NOTCH1: variants seen among roughly 807,000 people sequenced by gnomAD.
NOTCH1 encodes the protein notch receptor 1, also known as neurogenic locus notch homolog protein 1.
Under a neutral mutation model 254.8 loss-of-function variants are expected in NOTCH1, and 37 were observed. The ratio of observed to expected loss-of-function variants is 0.15; its 90% CI spans 0.11 to 0.19. NOTCH1 has a LOEUF of 0.19. Ranked by LOEUF, NOTCH1 falls within the 10% of genes least tolerant of loss-of-function variation. The pLI is 1.00. For missense variants in NOTCH1, 2,972 were observed against 3,708.6 expected (o/e 0.80, Z 5.16); for synonymous variants, 1,731 against 1,618.1 (o/e 1.07, Z -1.68).
rs2133350556 is a variant in NOTCH1, at chr9:136,509,789, G to A, written c.2913C>T (p.Cys971=). The A allele has an allele frequency of 6.2e-7, 1 of 1,613,136 alleles. No individual in the cohort carries two copies. The highest frequency in any genetic ancestry group is 8.5e-7 in the Non-Finnish European group (1 of 1,180,016). The stretch of plus-strand genomic sequence containing the variant: ...AGTGGATCCCGCTGAAGCCTGCGGG[G>A]CAGGTGCACGTGTAGCTGTCCACGC... ...TDCVDSYTCT[C]PAGFSGIHCE... The change falls in exon 18 of 34, where the codon TGC becomes TGT. Residue 971 remains cysteine (C), a synonymous_variant. Transcript: ENST00000651671.
chr9:136,498,221 G>A (rs979657127), intron 33 of NOTCH1, among the ~76,000 whole-genome samples: 18 of 151,596 alleles, frequency 1.2e-4, no homozygotes, highest in Admixed American at 7.2e-4. Context: ...ACATGCCAAG[G>A]GGGCAGCAGG....
intron 2 of NOTCH1, among the ~76,000 whole-genome samples, chr9:136,524,332 G>A (rs1843425243): frequency 6.6e-6 from 1 of 152,194 alleles, no homozygotes; most frequent in South Asian, 2.1e-4. Context: ...ACAAATGACT[G>A]CTAACTTGGG....
Position 136,545,387 on chromosome 9 carries a change from G to A in NOTCH1, c.61+339C>T, listed in dbSNP as rs1353285852. The stretch of plus-strand genomic sequence containing the variant: ...CTCTATTCAAATCGAAAAATAGTAG[G>A]CAGCCCGCCCGCCCGGCCGACCGGC... On this transcript the variant is annotated intron_variant, in intron 1 of 33. Coordinates refer to ENST00000651671, the MANE Select transcript of NOTCH1 (RefSeq NM_017617.5). This position sits in a 1 kb window ranked among gnomAD's most constrained non-coding sequence, Gnocchi z 6.8. Among the ~76,000 whole-genome samples, 1 of 151,964 alleles carries A rather than the reference G, an allele frequency of 6.6e-6. No homozygotes were observed. The highest frequency in any genetic ancestry group is 2.4e-5 in the African/African-American group (1 of 41,372).
chr9:136,521,029 T>G (rs916634936), intron 4 of NOTCH1, among the ~76,000 whole-genome samples: 2 of 152,146 alleles, frequency 1.3e-5, no homozygotes, highest in African/African-American at 4.8e-5. Context: ...TTCCCGGGCC[T>G]GCAGAGCTCA....
In NOTCH1 at chr9:136,544,015, G is replaced by C. The variant is rs1843773316; in HGVS notation, c.140+9C>G. 6.4e-7 allele frequency: 1 copy of C among 1,567,630 alleles called. No homozygotes were observed. The highest frequency in any genetic ancestry group is 8.6e-7 in the Non-Finnish European group (1 of 1,156,912). ...ACAAAGCAACAGGTCCCGCAGGGGT[G>C]GTACTCACACGCAGGCCTCCGTGCC... On this transcript the variant is annotated intron_variant, in intron 2 of 33. Transcript: ENST00000651671.
Position 136,518,261 on chromosome 9 carries a change from G to A in NOTCH1, c.1131C>T (p.Ile377=). 2 of 1,611,310 alleles carry A rather than the reference G, an allele frequency of 1.2e-6. No individual in the cohort carries two copies. Among genetic ancestry groups the A allele is most frequent in the South Asian group, 2.2e-5 (2 of 90,634 alleles). Residue 377 remains isoleucine (I), a synonymous_variant, in exon 7 of 34, where the codon ATC becomes ATT. Transcript: ENST00000651671. ...GLLCHLNDAC[I]SNPCNEGSNC... is the part of the protein sequence containing the mutation. ...TGGAGCCCTCGTTACAGGGGTTGCT[G>A]ATGCATGCGTCGTTGAGGTGGCACA...
chr9:136,523,584 C>G (rs1005726646), intron 3 of NOTCH1, 133 bp downstream of exon 3: 1 of 1,200,084 alleles, frequency 8.3e-7, no homozygotes, highest in African/African-American at 1.5e-5. Flanking sequence ...GGGCAGGGAC[C>G]CTGGGGCAGG....
At chr9:136,526,979 C>A (rs984026256) in intron 2 of NOTCH1, among the ~76,000 whole-genome samples, 1 of 152,210 alleles carries the variant, frequency 6.6e-6, no homozygotes. Flanking sequence ...TCGGACACCA[C>A]AGGGAAGGCC....
chr9:136,501,789 T>C lies in NOTCH1; in HGVS notation c.5597A>G (p.Glu1866Gly). The change falls in exon 30 of 34, where the codon GAG becomes GGG. Residue 1866 changes from glutamate (E) to glycine (G), a missense_variant. Glu to Gly is a moderately conservative substitution (Grantham distance 98, BLOSUM62 -2). This residue lies in a region of NOTCH1 where 421 missense variants were observed against 604.4 expected (regional missense o/e 0.70). Transcript: ENST00000651671. Reference protein sequence around the residue: ...SAMAPTPPQGEVDADCMDVNV... With the variant: ...SAMAPTPPQGGVDADCMDVNV... The stretch of plus-strand genomic sequence containing the variant: ...GACGTCCATGCAGTCGGCGTCAACC[T>C]CACCCTGGGGCGGTGTGGGGGCCAT... The C allele has an allele frequency of 6.2e-7, 1 of 1,612,692 alleles. No homozygotes were observed. Among genetic ancestry groups the C allele is most frequent in the South Asian group, 1.1e-5 (1 of 91,070 alleles).
chr9:136,507,479 C>A (rs367884609), intron 21 of NOTCH1, 42 bp from the exon 22 acceptor site: 2 of 1,568,200 alleles, frequency 1.3e-6, no homozygotes, highest in Non-Finnish European at 1.7e-6. Context: ...GCTCAGCCGG[C>A]GCCAGGATGC....
intron 2 of NOTCH1, among the ~76,000 whole-genome samples, chr9:136,541,223 C>T (rs1022787639): frequency 6.6e-6 from 1 of 152,158 alleles, no homozygotes; most frequent in Non-Finnish European, 1.5e-5. Flanking sequence ...CAGGCCACGG[C>T]GACACTCTGA....
chr9:136,525,567 G>A (rs1317626520), intron 2 of NOTCH1, among the ~76,000 whole-genome samples: 1 of 152,194 alleles, frequency 6.6e-6, no homozygotes, highest in East Asian at 1.9e-4. Context: ...GAACCGTCCC[G>A]CCTTCCGGAG....
At chr9:136,530,602 T>C (rs1843544516) in intron 2 of NOTCH1, among the ~76,000 whole-genome samples, 6 of 152,118 alleles carry the variant, frequency 3.9e-5, no homozygotes, top group South Asian at 2.1e-4. Flanking sequence ...CGCAGGCTGT[T>C]TGGAGTGTGA....
chr9:136,512,547 G>A (rs1843197675), intron 15 of NOTCH1, among the ~76,000 whole-genome samples: 1 of 152,190 alleles, frequency 6.6e-6, no homozygotes, highest in African/African-American at 2.4e-5. Context: ...CTCACACAAA[G>A]AGAGCCCGCC....
In NOTCH1 at chr9:136,499,142, G is replaced by C; in HGVS notation, c.6052C>G (p.His2018Asp). ...TCATCTACGGCGTTGACGTCGGCGTGTGAGTTGATGAGGTCCTCCAGCATG... is the reference window on the plus strand; with the variant it reads ...TCATCTACGGCGTTGACGTCGGCGTCTGAGTTGATGAGGTCCTCCAGCATG... ...EGMLEDLINSHADVNAVDDLG... is the reference protein window; with the variant it reads ...EGMLEDLINSDADVNAVDDLG... Residue 2018 changes from histidine (H) to aspartate (D), a missense_variant, in exon 32 of 34, where the codon CAC becomes GAC. Coordinates refer to ENST00000651671, the MANE Select transcript of NOTCH1 (RefSeq NM_017617.5). The C allele has an allele frequency of 6.2e-7, 1 of 1,613,300 alleles. No individual in the cohort carries two copies. The highest frequency in any genetic ancestry group is 2.2e-5 in the East Asian group (1 of 44,876).
At chr9:136,537,929 C>T (rs1455234490) in intron 2 of NOTCH1, among the ~76,000 whole-genome samples, 1 of 152,148 alleles carries the variant, frequency 6.6e-6, no homozygotes, top group Admixed American at 6.5e-5. Flanking sequence ...CCTGCCCCTA[C>T]TAAGAATACA....
Position 136,516,090 on chromosome 9 carries a change from G to A in NOTCH1, c.1560C>T (p.Phe520=), listed in dbSNP as rs2133365512. ...NEFQCECPTG[F]TGHLCQYDVD... Reference sequence around the variant, plus strand: ...CATCGTACTGGCACAGATGCCCAGTGAAGCCTGGGGCCGGGGAGGGGAGGG... The same window carrying A: ...CATCGTACTGGCACAGATGCCCAGTAAAGCCTGGGGCCGGGGAGGGGAGGG... Residue 520 remains phenylalanine (F), a synonymous_variant, in exon 10 of 34, where the codon TTC becomes TTT. Transcript: ENST00000651671. The A allele has an allele frequency of 6.2e-7, 1 of 1,609,246 alleles. No individual in the cohort carries two copies. Among genetic ancestry groups the A allele is most frequent in the Non-Finnish European group, 8.5e-7 (1 of 1,178,260 alleles).
Position 136,522,837 on chromosome 9 carries a change from C to G in NOTCH1, c.742+13G>C. ...GGAGGGGCTCGTGCACCCCGGCCAG[C>G]GGGCAGCACTACCTGGCAGGCAGGC... is the stretch of plus-strand genomic sequence containing the variant. On this transcript the variant is annotated intron_variant, in intron 4 of 33. Transcript: ENST00000651671. The G allele has an allele frequency of 6.8e-7, 1 of 1,469,352 alleles. No individual in the cohort carries two copies. The highest frequency in any genetic ancestry group is 9.0e-7 in the Non-Finnish European group (1 of 1,110,794). 91.0% of individuals were successfully genotyped at this position (1,469,352 alleles called of 1,614,324 possible). A position where few individuals can be genotyped will look rare whatever the true frequency, so the allele number is the denominator to read the frequency against.
In NOTCH1 at chr9:136,513,671, G is replaced by A. The variant is rs1216844604; in HGVS notation, c.2208-134C>T. 5 of 967,774 alleles carry A rather than the reference G, an allele frequency of 5.2e-6. No homozygotes were observed. The East Asian group carries it at 7.9e-5, about 15-fold the overall frequency. The allele number at this position is 967,774 out of a possible 1,614,324, so 59.9% of individuals were successfully genotyped here. On this transcript the variant is annotated intron_variant, in intron 13 of 33. Coordinates refer to ENST00000651671, the MANE Select transcript of NOTCH1 (RefSeq NM_017617.5). The surrounding 1 kb of genome is among the most constrained non-coding windows in gnomAD (Gnocchi z 4.7). ...CTCAGACTCGCAGAGTCCTTTAGTGGGGGCAGGCTGGGCGCTGTGGCTCAC... is the reference window on the plus strand; with the variant it reads ...CTCAGACTCGCAGAGTCCTTTAGTGAGGGCAGGCTGGGCGCTGTGGCTCAC...
Sources: allele counts gnomAD v4.1 joint callset (sites outside exome capture counted in the v4.1 genomes callset), GRCh38; gene constraint gnomAD v4.1.1; regional missense constraint gnomAD v4.1.1; non-coding constraint Gnocchi (gnomAD v3.1); transcripts MANE v1.5; gene names NCBI Gene and HGNC (gene_info 2026-07-23, HGNC 2026-07-21).